Variants in PDE4D observed in about 807,000 individuals in gnomAD.
The protein encoded by PDE4D is 3',5'-cyclic-AMP phosphodiesterase 4D.
PDE4D carries 24 observed loss-of-function variants against 87.4 expected under a neutral mutation model. That is an observed-to-expected ratio of 0.27 (90% CI 0.20 to 0.39). The LOEUF (loss-of-function observed/expected upper bound fraction) is 0.39, where lower values mean the gene tolerates loss of function less well. PDE4D is among the 10% of genes least tolerant of loss of function. The pLI, the probability that PDE4D is intolerant of heterozygous loss-of-function variation, is 1.00. For synonymous variants in PDE4D, 384 were observed against 383.2 expected (o/e 1.00, Z -0.02); for missense variants, 714 against 1,041.0 (o/e 0.69, Z 4.32).
chr5:59,649,415 G>C (rs1743003106), intron 1 of PDE4D, among the ~76,000 whole-genome samples: 1 of 152,140 alleles, frequency 6.6e-6, no homozygotes, highest in East Asian at 1.9e-4. Context: ...CAGCAGGGCA[G>C]AGTGGTGAAT....
At chr5:59,672,175 G>T (rs145864542) in intron 1 of PDE4D, among the ~76,000 whole-genome samples, 25 of 152,216 alleles carry the variant, frequency 1.6e-4, no homozygotes, top group African/African-American at 6.0e-4. Flanking sequence ...AATTTGCCAA[G>T]ACCACACAGA....
chr5:60,122,562 G>T (rs1257073531), intron 2 of PDE4D, among the ~76,000 whole-genome samples: 1 of 152,202 alleles, frequency 6.6e-6, no homozygotes, highest in Non-Finnish European at 1.5e-5. Context: ...AGTCACAGCT[G>T]GAGTGGCTGG....
intron 2 of PDE4D, among the ~76,000 whole-genome samples, chr5:60,053,819 G>A (rs1770477936): frequency 6.6e-6 from 1 of 151,980 alleles, no homozygotes; most frequent in Admixed American, 6.6e-5. Context: ...AATCTACAAG[G>A]AACTTACACA....
intron 1 of PDE4D, among the ~76,000 whole-genome samples, chr5:59,859,720 T>C (rs1023926707): frequency 6.6e-6 from 1 of 151,986 alleles, no homozygotes; most frequent in Admixed American, 6.6e-5. Context: ...AATGGTGTGA[T>C]GAGCTGTACC....
At chr5:59,385,666 T>G (rs984531850) in intron 1 of PDE4D, among the ~76,000 whole-genome samples, 6 of 152,178 alleles carry the variant, frequency 3.9e-5, no homozygotes. Flanking sequence ...CAGAGCAGTC[T>G]GCAGACAATG....
At chr5:59,808,133 C>A (rs1016260449) in intron 1 of PDE4D, among the ~76,000 whole-genome samples, 1 of 152,300 alleles carries the variant, frequency 6.6e-6, no homozygotes, top group African/African-American at 2.4e-5. Context: ...TAGGCATGTG[C>A]CAAACCCAGC....
intron 2 of PDE4D, among the ~76,000 whole-genome samples, chr5:59,205,271 A>G (rs1748488555): frequency 1.3e-5 from 2 of 151,982 alleles, no homozygotes; most frequent in South Asian, 2.1e-4. Context: ...TTTCTTTTTC[A>G]CTGAAGTGAA....
chr5:60,512,773 A>G (rs1265728104), intron 1 of PDE4D, among the ~76,000 whole-genome samples: 1 of 152,244 alleles, frequency 6.6e-6, no homozygotes, highest in Non-Finnish European at 1.5e-5. Flanking sequence ...GAAGCACTGC[A>G]GGTACTCTTC....
At chr5:59,379,329 G>A (rs2153601936) in intron 1 of PDE4D, among the ~76,000 whole-genome samples, 1 of 152,146 alleles carries the variant, frequency 6.6e-6, no homozygotes, top group Middle Eastern at 3.4e-3. Flanking sequence ...TGCAAAAATA[G>A]TTTTCTGTTT....
intron 1 of PDE4D, among the ~76,000 whole-genome samples, chr5:59,819,205 A>G (rs1251286112): frequency 1.2e-4 from 19 of 152,176 alleles, no homozygotes; most frequent in Admixed American, 1.2e-3. Flanking sequence ...GTGAAGTGAA[A>G]TTGTTTTGAA....
chr5:60,002,981 A>T (rs772297233), intron 2 of PDE4D, among the ~76,000 whole-genome samples: 87 of 152,178 alleles, frequency 5.7e-4, no homozygotes, highest in Non-Finnish European at 1.1e-3. Flanking sequence ...TGCAGATGAC[A>T]TTTTCTATAT....
At chr5:59,334,808 A>T (rs980333414) in intron 1 of PDE4D, among the ~76,000 whole-genome samples, 16 of 152,222 alleles carry the variant, frequency 1.1e-4, no homozygotes, top group Non-Finnish European at 2.1e-4. Context: ...ATATTCTATA[A>T]ATTAATTACA....
intron 1 of PDE4D, among the ~76,000 whole-genome samples, chr5:59,448,462 T>C (rs1798659408): frequency 6.6e-6 from 1 of 152,180 alleles, no homozygotes; most frequent in South Asian, 2.1e-4. Flanking sequence ...TACATCTGGG[T>C]ATTACTTCAA....
At chr5:60,067,061 T>C (rs908002675) in intron 2 of PDE4D, among the ~76,000 whole-genome samples, 2 of 152,138 alleles carry the variant, frequency 1.3e-5, no homozygotes, top group African/African-American at 2.4e-5. Context: ...AGCATCTCTG[T>C]CCTCTCTGGA....
At chr5:59,096,270 T>C (rs1485171112) in intron 5 of PDE4D, among the ~76,000 whole-genome samples, 2 of 152,112 alleles carry the variant, frequency 1.3e-5, no homozygotes, top group African/African-American at 4.8e-5. Context: ...GAGCTACAAA[T>C]AAATGTAACT....
chr5:59,325,915 C>T (rs1248249630), intron 1 of PDE4D, among the ~76,000 whole-genome samples: 1 of 151,956 alleles, frequency 6.6e-6, no homozygotes, highest in African/African-American at 2.4e-5. Context: ...GGCACATATA[C>T]ACCATGGAAT....
At chr5:60,411,742 A>C (rs1561222596) in intron 1 of PDE4D, among the ~76,000 whole-genome samples, 1 of 152,164 alleles carries the variant, frequency 6.6e-6, no homozygotes, top group Non-Finnish European at 1.5e-5. Flanking sequence ...ACGTGAGTGA[A>C]ATTAACCCTA....
chr5:59,609,884 G>A (rs150736461), intron 1 of PDE4D, among the ~76,000 whole-genome samples: 2 of 152,230 alleles, frequency 1.3e-5, no homozygotes, highest in Admixed American at 1.3e-4. Flanking sequence ...TCATATCCCG[G>A]AAATACAAAG....
At chr5:59,650,521 G>A (rs1743273804) in intron 1 of PDE4D, among the ~76,000 whole-genome samples, 1 of 152,008 alleles carries the variant, frequency 6.6e-6, no homozygotes, top group South Asian at 2.1e-4. Flanking sequence ...AATTGACTGA[G>A]GAACAATCTG....
Sources: gnomAD v4.1 joint callset for allele counts (sites outside exome capture counted in the v4.1 genomes callset) on GRCh38, gnomAD v4.1.1 for gene constraint, MANE v1.5 for transcripts, NCBI Gene and HGNC (gene_info 2026-07-23, HGNC 2026-07-21) for gene names.